The following GTF2B variants were observed in gnomAD, a reference collection of about 807,000 sequenced individuals.
GTF2B encodes transcription initiation factor IIB.
GTF2B carries 20 observed loss-of-function variants against 34.6 expected under a neutral mutation model. The observed-to-expected ratio is 0.58, with a 90% confidence interval of 0.41 to 0.84. The LOEUF (loss-of-function observed/expected upper bound fraction) is 0.84, where lower values mean the gene tolerates loss of function less well. Among genes scored for constraint, GTF2B ranks in the 40% least tolerant of loss-of-function variants. The pLI is 0.00. For synonymous variants in GTF2B, 142 were observed against 132.4 expected, an observed-to-expected ratio of 1.07 and a Z score of -0.50; for missense variants, 237 against 393.3, an observed-to-expected ratio of 0.60 and a Z score of 3.36.
chr1:88,853,008 A>G lies in GTF2B; in HGVS notation c.*205T>C, dbSNP rs1434186221. ...CCAAAATACAGTTTCCTAGATTGCT[A>G]CAAAAGAAATTTGATAAGAAATTTA... On this transcript the variant is annotated 3_prime_UTR_variant, in exon 7 of 7. Coordinates refer to ENST00000370500, the MANE Select transcript of GTF2B (RefSeq NM_001514.6). The G allele has an allele frequency of 6.1e-6, 3 of 494,140 alleles. No homozygotes were observed. In the East Asian group the frequency reaches 1.0e-4, roughly 16 times the overall value. The allele number at this position is 494,140 out of a possible 1,614,324, so 30.6% of individuals were successfully genotyped here. A position where few individuals can be genotyped will look rare whatever the true frequency, so the allele number is the denominator to read the frequency against.
intron 2 of GTF2B, among the ~76,000 whole-genome samples, chr1:88,872,515 C>T (rs1174466003): frequency 6.9e-6 from 1 of 144,178 alleles, no homozygotes; most frequent in Non-Finnish European, 1.5e-5. Flanking sequence ...GGTTGCAAGT[C>T]TCTATTAATA....
intron 2 of GTF2B, among the ~76,000 whole-genome samples, chr1:88,884,434 A>G (rs1418481784): frequency 2.6e-5 from 4 of 152,184 alleles, no homozygotes; most frequent in Admixed American, 2.6e-4. Flanking sequence ...CTTTTAATTG[A>G]CTACTGATGT....
intron 3 of GTF2B, among the ~76,000 whole-genome samples, chr1:88,861,704 C>T (rs1209469163): frequency 6.6e-6 from 1 of 151,680 alleles, no homozygotes. Flanking sequence ...TGATGGCACA[C>T]GCCTGTGGTC....
intron 2 of GTF2B, among the ~76,000 whole-genome samples, chr1:88,867,795 T>C (rs1036255364): frequency 5.3e-5 from 8 of 151,956 alleles, no homozygotes; most frequent in Non-Finnish European, 8.8e-5. Flanking sequence ...AGATGGATTT[T>C]TTATTTTTTT....
chr1:88,882,310 CAAAAAAAAAAAAA>C lies in GTF2B; in HGVS notation c.124+4938_124+4950del, dbSNP rs59699371. Among the ~76,000 whole-genome samples, 28 of 36,020 alleles carry C rather than the reference CAAAAAAAAAAAAA, an allele frequency of 7.8e-4. No individual in the cohort carries two copies. The East Asian group carries it at 0.02, about 26-fold the overall frequency. The allele number at this position is 36,020 out of a possible 152,430, so 23.6% of individuals were successfully genotyped here. On this transcript the variant is annotated intron_variant, in intron 2 of 6. Transcript: ENST00000370500. ...GGGGGACAGAGGGAGACTCTCACTC[CAAAAAAAAAAAAA>C]AAAAAAAAAAAAAACGCTACAGAGG...
At chr1:88,855,359 GTTTT>G (rs750561898) in intron 6 of GTF2B, among the ~76,000 whole-genome samples, 3 of 124,176 alleles carry the variant, frequency 2.4e-5, no homozygotes, top group Non-Finnish European at 3.5e-5. Context: ...TTCTGTTTTT[GTTTT>G]TTTTTTTTTT....
At chr1:88,856,649 G>C (rs1295476647) in intron 6 of GTF2B, among the ~76,000 whole-genome samples, 1 of 151,964 alleles carries the variant, frequency 6.6e-6, no homozygotes, top group African/African-American at 2.4e-5. Flanking sequence ...GAACTTGTAA[G>C]AATAAAAGAT....
intron 2 of GTF2B, among the ~76,000 whole-genome samples, chr1:88,886,564 CATGTT>C: frequency 6.6e-6 from 1 of 152,098 alleles, no homozygotes; most frequent in Non-Finnish European, 1.5e-5. Flanking sequence ...ACTCAAAAAT[CATGTT>C]TATCTACTTC....
At chr1:88,855,675 A>G (rs1392309265) in intron 6 of GTF2B, among the ~76,000 whole-genome samples, 1 of 151,766 alleles carries the variant, frequency 6.6e-6, no homozygotes, top group Non-Finnish European at 1.5e-5. Flanking sequence ...TTTTTTTGAA[A>G]AAGAGCCTCA....
At chr1:88,868,143 A>G (rs1570725084) in intron 2 of GTF2B, among the ~76,000 whole-genome samples, 3 of 152,392 alleles carry the variant, frequency 2.0e-5, no homozygotes. Flanking sequence ...GTATTTTTAA[A>G]AGTTGCTCTG....
chr1:88,878,389 A>C (rs1673858955), intron 2 of GTF2B, among the ~76,000 whole-genome samples: 1 of 152,254 alleles, frequency 6.6e-6, no homozygotes, highest in Non-Finnish European at 1.5e-5. Flanking sequence ...TCAAATAAAA[A>C]TCTTGTAATT....
chr1:88,864,846 G>A (rs546283069), intron 2 of GTF2B, among the ~76,000 whole-genome samples: 148 of 152,320 alleles, frequency 9.7e-4, no homozygotes, highest in African/African-American at 3.4e-3. Flanking sequence ...GTGCCCTTTT[G>A]TAAATGTTCT....
chr1:88,864,137 G>C, intron 2 of GTF2B, 23 bp from the exon 3 acceptor site: 9 of 1,611,832 alleles, frequency 5.6e-6, no homozygotes, highest in Non-Finnish European at 7.6e-6. Context: ...GCACATATCT[G>C]AATCATTTTG....
At chr1:88,854,703 C>T (rs530330456) in intron 6 of GTF2B, among the ~76,000 whole-genome samples, 41 of 152,304 alleles carry the variant, frequency 2.7e-4, no homozygotes, top group African/African-American at 7.9e-4. Context: ...ACCATGCTGC[C>T]CAGGCTGGTC....
At chr1:88,872,361 A>G (rs954197958) in intron 2 of GTF2B, among the ~76,000 whole-genome samples, 2 of 147,340 alleles carry the variant, frequency 1.4e-5, no homozygotes, top group Non-Finnish European at 3.0e-5. Flanking sequence ...GCTGAGGAGG[A>G]GAACTGCTTG....
chr1:88,876,950 A>T (rs1673830973), intron 2 of GTF2B, among the ~76,000 whole-genome samples: 1 of 152,222 alleles, frequency 6.6e-6, no homozygotes, highest in Non-Finnish European at 1.5e-5. Flanking sequence ...CAATTATAAA[A>T]TATATGCCCC....
At chr1:88,886,926 A>AT (rs939376789) in intron 2 of GTF2B, among the ~76,000 whole-genome samples, 44 of 145,646 alleles carry the variant, frequency 3.0e-4, no homozygotes, top group South Asian at 6.4e-4. Flanking sequence ...TATTATTATT[A>AT]TTTTTTTTTT....
intron 6 of GTF2B, among the ~76,000 whole-genome samples, chr1:88,856,464 AAT>A (rs566695208): frequency 3.9e-5 from 6 of 152,124 alleles, no homozygotes; most frequent in African/African-American, 1.4e-4. Flanking sequence ...ACCTTCACAG[AAT>A]GTTAAAGGCT....
chr1:88,871,329 A>G (rs953716129), intron 2 of GTF2B, among the ~76,000 whole-genome samples: 1 of 152,232 alleles, frequency 6.6e-6, no homozygotes, highest in Non-Finnish European at 1.5e-5. Context: ...GTGGCTTAAA[A>G]TGAAGGTTTA....
Sources: gnomAD v4.1 joint callset for allele counts (sites outside exome capture counted in the v4.1 genomes callset) on GRCh38, gnomAD v4.1.1 for gene constraint, MANE v1.5 for transcripts, NCBI Gene and HGNC (gene_info 2026-07-23, HGNC 2026-07-21) for gene names.